Variants in PCDH7 observed in about 807,000 individuals in gnomAD.
PCDH7 encodes protocadherin-7.
PCDH7 carries 17 observed loss-of-function variants against 58.9 expected under a neutral mutation model. The observed-to-expected ratio is 0.29, with a 90% CI of 0.20 to 0.43. The LOEUF (loss-of-function observed/expected upper bound fraction) is 0.43. PCDH7 is among the 20% of genes least tolerant of loss of function. The probability of loss-of-function intolerance (pLI) is 1.00; values close to 1 mark genes in which losing one functional copy is unlikely to be tolerated. For missense variants in PCDH7, 1,274 were observed against 1,441.0 expected, an observed-to-expected ratio of 0.88 and a Z score of 1.88; for synonymous variants, 664 against 616.4, an observed-to-expected ratio of 1.08 and a Z score of -1.14.
Position 30,810,986 on chromosome 4 carries a change from G to A in PCDH7, c.70+86390G>A, listed in dbSNP as rs550797620. On this transcript the variant is annotated intron_variant, in intron 1 of 3. Transcript: ENST00000509759. ...TGTGGTTTATACTTAAACCTTAACA[G>A]TTACAGCGGAGGTGCTATGGCAACA... Among the ~76,000 whole-genome samples, 4 of 152,278 alleles carry A rather than the reference G, an allele frequency of 2.6e-5. 1 individual carries two copies. The South Asian group carries it at 8.3e-4, about 32-fold the overall frequency.
intron 1 of PCDH7, among the ~76,000 whole-genome samples, chr4:30,910,418 A>G (rs1252022520): frequency 3.3e-5 from 5 of 152,202 alleles, no homozygotes; most frequent in Admixed American, 3.3e-4. Flanking sequence ...CATTCTATCC[A>G]TCTGACAAAG....
intron 3 of PCDH7, among the ~76,000 whole-genome samples, chr4:30,975,931 G>A (rs1285931398): frequency 6.6e-6 from 1 of 152,028 alleles, no homozygotes; most frequent in Non-Finnish European, 1.5e-5. Flanking sequence ...TTCAGCTCTA[G>A]TAAATCCTTG....
At chr4:30,810,294 A>G (rs1410171117) in intron 1 of PCDH7, among the ~76,000 whole-genome samples, 1 of 152,198 alleles carries the variant, frequency 6.6e-6, no homozygotes, top group Non-Finnish European at 1.5e-5. Flanking sequence ...AACGTTTATT[A>G]CATGTCAGTT....
Position 30,978,955 on chromosome 4 carries a change from A to G in PCDH7, c.*7+28740A>G, listed in dbSNP as rs534542996. On this transcript the variant is annotated intron_variant, in intron 3 of 3. Transcript: ENST00000509759. ...TTTCTGGATATTAATAAAAAGTTTT[A>G]TTATTAAACAAAACCACAAAGAAAC... 2.0e-4 allele frequency among the ~76,000 whole-genome samples: 31 copies of G among 152,290 alleles called. 2 individuals carry two copies. The highest frequency in any genetic ancestry group is 3.3e-4 in the Admixed American group (5 of 15,294).
intron 3 of PCDH7, among the ~76,000 whole-genome samples, chr4:31,093,382 G>A (rs534748108): frequency 1.3e-5 from 2 of 152,168 alleles, no homozygotes; most frequent in East Asian, 1.9e-4. Flanking sequence ...TTAAGAAGAA[G>A]CATAATGAAA....
chr4:30,894,867 T>A (rs1398979421), intron 1 of PCDH7, among the ~76,000 whole-genome samples: 1 of 151,068 alleles, frequency 6.6e-6, no homozygotes, highest in Non-Finnish European at 1.5e-5. Flanking sequence ...TCTATAAAAC[T>A]GAAATAATAA....
chr4:31,100,164 G>T (rs900607601), intron 3 of PCDH7, among the ~76,000 whole-genome samples: 23 of 152,144 alleles, frequency 1.5e-4, no homozygotes, highest in South Asian at 8.3e-4. Flanking sequence ...CTCAAGAAAG[G>T]TCTCAAAAAG....
At position 30,721,894 on chromosome 4, in the gene PCDH7, G is replaced by A. The variant is rs1292673583; in HGVS notation, c.472G>A (p.Val158Met). Residue 158 changes from valine to methionine, a missense_variant, in exon 1 of 2, where the codon GTG becomes ATG. Physicochemically the swap from Val to Met is conservative, Grantham distance 21. Transcript: ENST00000361762. The surrounding 1 kb of genome is among the most constrained non-coding windows in gnomAD (Gnocchi z 6.7). ...GCTCACGGTGGAGGAGAATCGGCCGGTGGGCACACTTTACCTGCTGCCCAC... is the reference window on the plus strand; with the variant it reads ...GCTCACGGTGGAGGAGAATCGGCCGATGGGCACACTTTACCTGCTGCCCAC... 3 of 1,591,418 alleles carry A rather than the reference G, an allele frequency of 1.9e-6. No homozygotes were observed. The highest frequency in any genetic ancestry group is 2.7e-5 in the African/African-American group (2 of 74,498).
At chr4:30,781,537 A>AT (rs753467213) in intron 1 of PCDH7, among the ~76,000 whole-genome samples, 2,047 of 131,898 alleles carry the variant, frequency 0.016, 40 homozygotes, top group African/African-American at 0.041. Context: ...CTATCTCTCT[A>AT]TTTTTTTTTT....
At chr4:31,028,453 C>T (rs1198493684) in intron 3 of PCDH7, among the ~76,000 whole-genome samples, 1 of 151,904 alleles carries the variant, frequency 6.6e-6, no homozygotes, top group Non-Finnish European at 1.5e-5. Flanking sequence ...AAGTTTGAGA[C>T]CAGCCTGGGC....
intron 3 of PCDH7, among the ~76,000 whole-genome samples, chr4:31,140,257 C>A (rs1720084071): frequency 6.6e-6 from 1 of 152,026 alleles, no homozygotes; most frequent in Admixed American, 6.6e-5. Flanking sequence ...GAATTTCAAA[C>A]TAAAAACACA....
At chr4:31,123,743 C>G (rs1048693659) in intron 3 of PCDH7, among the ~76,000 whole-genome samples, 2 of 152,046 alleles carry the variant, frequency 1.3e-5, no homozygotes, top group Admixed American at 1.3e-4. Flanking sequence ...AGAACCAGGT[C>G]CCACGAACAG....
chr4:30,771,876 C>CT (rs768098014), intron 1 of PCDH7, among the ~76,000 whole-genome samples: 25 of 151,884 alleles, frequency 1.6e-4, no homozygotes, highest in South Asian at 6.2e-4. Context: ...TTCTTTCTTT[C>CT]TTTTTTTTCT....
intron 3 of PCDH7, among the ~76,000 whole-genome samples, chr4:31,030,895 A>C (rs2109185864): frequency 6.6e-6 from 1 of 152,334 alleles, no homozygotes; most frequent in African/African-American, 2.4e-5. Flanking sequence ...TTGCAGAATG[A>C]ATATTTGATG....
At chr4:31,128,611 A>G (rs1258508471) in intron 3 of PCDH7, among the ~76,000 whole-genome samples, 1 of 152,166 alleles carries the variant, frequency 6.6e-6, no homozygotes, top group Non-Finnish European at 1.5e-5. Flanking sequence ...CGCTAAAATA[A>G]CTATAAAATA....
intron 3 of PCDH7, among the ~76,000 whole-genome samples, chr4:31,104,370 A>T (rs543202875): frequency 1.3e-5 from 2 of 152,312 alleles, no homozygotes; most frequent in African/African-American, 4.8e-5. Context: ...TGGAAGAAAA[A>T]AACATCTAGT....
intron 1 of PCDH7, among the ~76,000 whole-genome samples, chr4:30,873,262 G>A (rs1375255173): frequency 6.6e-6 from 1 of 151,954 alleles, no homozygotes; most frequent in Non-Finnish European, 1.5e-5. Context: ...AGAATTTTAA[G>A]GAAAATTGAT....
intron 1 of PCDH7, among the ~76,000 whole-genome samples, chr4:30,797,417 C>T (rs978498225): frequency 3.3e-5 from 5 of 152,000 alleles, no homozygotes; most frequent in East Asian, 1.9e-4. Context: ...GGACTACAGG[C>T]GCCCGCCACC....
chr4:30,907,117 A>G (rs1188616367), intron 1 of PCDH7, among the ~76,000 whole-genome samples: 4 of 152,260 alleles, frequency 2.6e-5, no homozygotes, highest in Non-Finnish European at 5.9e-5. Flanking sequence ...ATATTATTAA[A>G]CCAAGATTCA....
Sources: allele counts gnomAD v4.1 joint callset (sites outside exome capture counted in the v4.1 genomes callset), GRCh38; gene constraint gnomAD v4.1.1; non-coding constraint Gnocchi (gnomAD v3.1); transcripts MANE v1.5; gene names NCBI Gene and HGNC (gene_info 2026-07-23, HGNC 2026-07-21).